The following CADPS variants were observed in gnomAD, a reference collection of about 807,000 sequenced individuals.
The protein encoded by CADPS is calcium dependent secretion activator.
Under a neutral mutation model 167.3 loss-of-function variants are expected in CADPS, and 57 were observed. That is an observed-to-expected ratio of 0.34 (90% CI 0.28 to 0.42). CADPS has a LOEUF of 0.42. Ranked by LOEUF, CADPS falls within the 20% of genes least tolerant of loss-of-function variation. The pLI, the probability that CADPS is intolerant of heterozygous loss-of-function variation, is 1.00. For synonymous variants in CADPS, 676 were observed against 635.3 expected (o/e 1.06, Z -0.96); for missense variants, 1,414 against 1,738.1 (o/e 0.81, Z 3.32).
chr3:62,513,178 T>C (rs139746569), intron 16 of CADPS, among the ~76,000 whole-genome samples: 1 of 152,076 alleles, frequency 6.6e-6, no homozygotes, highest in Non-Finnish European at 1.5e-5. Flanking sequence ...TTACAGAGAA[T>C]GGACCACCTG....
chr3:62,419,595 T>G (rs891815219), intron 28 of CADPS, among the ~76,000 whole-genome samples: 4 of 152,172 alleles, frequency 2.6e-5, no homozygotes, highest in Non-Finnish European at 5.9e-5. Context: ...TTCTCTGATA[T>G]GCATACAAGA....
At chr3:62,600,010 T>G (rs2059726914) in intron 6 of CADPS, among the ~76,000 whole-genome samples, 1 of 134,316 alleles carries the variant, frequency 7.4e-6, no homozygotes, top group Non-Finnish European at 1.6e-5. Context: ...AATATTTGCT[T>G]AGTAACTAGG....
chr3:62,624,233 C>T (rs2175526), intron 6 of CADPS, among the ~76,000 whole-genome samples: 138,292 of 152,068 alleles, frequency 0.91, 63,591 homozygotes, highest in East Asian at 1. Context: ...TGCACAGGTC[C>T]TTGAAGGAAT....
chr3:62,444,826 A>T (rs970869185), intron 27 of CADPS, among the ~76,000 whole-genome samples: 3 of 152,178 alleles, frequency 2.0e-5, no homozygotes, highest in African/African-American at 7.2e-5. Context: ...TTTAGAAAAA[A>T]ACAAATTTTA....
At chr3:62,826,914 C>T (rs2074163318) in intron 1 of CADPS, among the ~76,000 whole-genome samples, 1 of 152,168 alleles carries the variant, frequency 6.6e-6, no homozygotes, top group African/African-American at 2.4e-5. Context: ...AGAAAATCTG[C>T]TGGTTGCTGC....
chr3:62,845,914 G>A (rs1363366024), intron 1 of CADPS, among the ~76,000 whole-genome samples: 1 of 152,116 alleles, frequency 6.6e-6, no homozygotes, highest in Non-Finnish European at 1.5e-5. Context: ...ATCTGATGTT[G>A]AATTGTAATC....
intron 13 of CADPS, among the ~76,000 whole-genome samples, chr3:62,528,602 G>T (rs1177595966): frequency 6.6e-6 from 1 of 152,124 alleles, no homozygotes; most frequent in Admixed American, 6.5e-5. Context: ...GGATATTACA[G>T]ATACTATGAT....
chr3:62,529,410 C>T (rs997125831), intron 13 of CADPS, among the ~76,000 whole-genome samples: 2 of 152,164 alleles, frequency 1.3e-5, no homozygotes, highest in African/African-American at 4.8e-5. Flanking sequence ...GGATGTTGAT[C>T]CTTCCAAAAG....
intron 13 of CADPS, among the ~76,000 whole-genome samples, chr3:62,526,169 C>G (rs2072157400): frequency 6.6e-6 from 1 of 152,118 alleles, no homozygotes; most frequent in African/African-American, 2.4e-5. Context: ...TTACTCAAAT[C>G]TTAATCTACA....
chr3:62,840,811 A>G lies in CADPS; in HGVS notation c.441+33778T>C, dbSNP rs1284630231. On this transcript the variant is annotated intron_variant, in intron 1 of 29. Transcript: ENST00000383710. ...TCAAAAATCATAATTAAGCACTGAC[A>G]ATTATTCAAATTATTTGGAGAAATC... Among the ~76,000 whole-genome samples the G allele has an allele frequency of 3.3e-5, 5 of 152,310 alleles. No individual in the cohort carries two copies. The East Asian group carries it at 5.8e-4, about 18-fold the overall frequency.
intron 17 of CADPS, among the ~76,000 whole-genome samples, chr3:62,504,791 G>T (rs1039598548): frequency 1.3e-5 from 2 of 152,058 alleles, no homozygotes; most frequent in African/African-American, 4.8e-5. Context: ...AAATGTGACT[G>T]CAGAAAAACA....
At chr3:62,545,300 A>G (rs912340308) in intron 11 of CADPS, among the ~76,000 whole-genome samples, 2 of 152,130 alleles carry the variant, frequency 1.3e-5, no homozygotes, top group Non-Finnish European at 2.9e-5. Context: ...CTAACACATA[A>G]TGGACAGGGG....
chr3:62,629,757 G>GTTTTTTTTTTTTTTTTTTTTTTTT (rs55956118), intron 6 of CADPS, among the ~76,000 whole-genome samples: 8 of 145,664 alleles, frequency 5.5e-5, no homozygotes, highest in East Asian at 2.0e-4. Flanking sequence ...CTCTGGTACA[G>GTTTTTTTTTTTTTTTTTTTTTTTT]TTTTTTTTTT....
chr3:62,852,173 C>A (rs370807808), intron 1 of CADPS, among the ~76,000 whole-genome samples: 1 of 150,052 alleles, frequency 6.7e-6, no homozygotes, highest in Non-Finnish European at 1.5e-5. Flanking sequence ...GTTATACATT[C>A]TTCTAAATTT....
At chr3:62,780,680 G>A (rs2152646630) in intron 1 of CADPS, among the ~76,000 whole-genome samples, 2 of 152,248 alleles carry the variant, frequency 1.3e-5, no homozygotes, top group Middle Eastern at 6.8e-3. Context: ...CCAAATTATA[G>A]CATTATTGAT....
intron 6 of CADPS, among the ~76,000 whole-genome samples, chr3:62,596,507 A>G (rs1289234621): frequency 6.6e-6 from 1 of 152,082 alleles, no homozygotes; most frequent in Non-Finnish European, 1.5e-5. Flanking sequence ...CCAGAGTGCT[A>G]TTTTGCTACA....
Position 62,874,055 on chromosome 3 carries a change from T to C in CADPS, c.441+534A>G, listed in dbSNP as rs998284309. ...CCTTCTGGGCTTGCTTTCTCCCGCC[T>C]GCCCCTGCGGTTGCTCTCTGCCCCA... On this transcript the variant is annotated intron_variant, in intron 1 of 29. Coordinates refer to ENST00000383710, the MANE Select transcript of CADPS (RefSeq NM_003716.4). The surrounding 1 kb of genome is among the most constrained non-coding windows in gnomAD (Gnocchi z 7.1). Among the ~76,000 whole-genome samples the C allele has an allele frequency of 5.9e-5, 9 of 152,176 alleles. No individual in the cohort carries two copies. Among genetic ancestry groups the C allele is most frequent in the Non-Finnish European group, 8.8e-5 (6 of 68,002 alleles).
intron 3 of CADPS, among the ~76,000 whole-genome samples, chr3:62,752,344 C>T (rs908912608): frequency 3.3e-5 from 5 of 152,136 alleles, no homozygotes; most frequent in Non-Finnish European, 1.5e-5. Flanking sequence ...TCAATGTTTT[C>T]AATTAAAGTT....
intron 28 of CADPS, among the ~76,000 whole-genome samples, chr3:62,425,311 T>C (rs1288564342): frequency 6.6e-6 from 1 of 152,146 alleles, no homozygotes; most frequent in Non-Finnish European, 1.5e-5. Flanking sequence ...GCCTATCCAT[T>C]AGATGCCAGT....
Sources: gnomAD v4.1 joint callset for allele counts (sites outside exome capture counted in the v4.1 genomes callset) on GRCh38, gnomAD v4.1.1 for gene constraint, Gnocchi (gnomAD v3.1) non-coding constraint, MANE v1.5 for transcripts, NCBI Gene and HGNC (gene_info 2026-07-23, HGNC 2026-07-21) for gene names.